DGKZ: variants seen among roughly 807,000 people sequenced by gnomAD.
DGKZ encodes DAG kinase zeta.
A neutral mutation model predicts 142.5 loss-of-function variants in DGKZ; 45 were observed. That is an observed-to-expected ratio of 0.32 (90% CI 0.25 to 0.40). The LOEUF is 0.40. Ranked by LOEUF, DGKZ falls within the 10% of genes least tolerant of loss-of-function variation. The pLI, the probability that DGKZ is intolerant of heterozygous loss-of-function variation, is 1.00. For synonymous variants in DGKZ, 442 were observed against 527.0 expected, an observed-to-expected ratio of 0.84 and a Z score of 2.21; for missense variants, 755 against 1,306.5, an observed-to-expected ratio of 0.58 and a Z score of 6.51.
rs536377550 is a variant in DGKZ, at chr11:46,365,366, A to G, written c.162-1925A>G. On this transcript the variant is annotated intron_variant, in intron 1 of 30. Transcript: ENST00000527911. ...TGGGGTATCCGTACTTTGTCCCTTC[A>G]GAAAGGTGAGACAGAGCAGTCGAGC... The G allele has an allele frequency of 4.1e-6, 4 of 985,458 alleles. No homozygotes were observed. The South Asian group carries it at 1.9e-4, about 46-fold the overall frequency. The allele number at this position is 985,458 out of a possible 1,614,324, so 61.0% of individuals were successfully genotyped here.
At chr11:46,350,104 TG>T (rs1445452173) in intron 1 of DGKZ, among the ~76,000 whole-genome samples, 2 of 152,170 alleles carry the variant, frequency 1.3e-5, no homozygotes, top group African/African-American at 4.8e-5. Context: ...GTCCTTTGTT[TG>T]GGAGCACTGT....
rs541787237 is a variant in DGKZ at position 46,349,278 on chromosome 11, G to A, written c.161+1458G>A. On this transcript the variant is annotated intron_variant, in intron 1 of 30. Transcript: ENST00000527911. ...TGTTTTGTCACCCACAGCCCTGCAAGATGGAGCAGTTTACACCCAGCTCTG... is the reference window on the plus strand; with the variant it reads ...TGTTTTGTCACCCACAGCCCTGCAAAATGGAGCAGTTTACACCCAGCTCTG... Among the ~76,000 whole-genome samples the A allele has an allele frequency of 1.3e-4, 20 of 152,330 alleles. No individual in the cohort carries two copies. In the East Asian group the frequency reaches 3.3e-3, roughly 25 times the overall value.
chr11:46,371,137 T>C (rs1430173893), intron 6 of DGKZ, among the ~76,000 whole-genome samples, 176 bp from the exon 7 acceptor site: 1 of 152,148 alleles, frequency 6.6e-6, no homozygotes, highest in Non-Finnish European at 1.5e-5. Context: ...CACATGCCTG[T>C]TGTTCCCAGT....
At chr11:46,340,827 C>G (rs918962294) in intron 1 of DGKZ, among the ~76,000 whole-genome samples, 2 of 152,198 alleles carry the variant, frequency 1.3e-5, no homozygotes, top group Admixed American at 1.3e-4. Flanking sequence ...ACAGGCATAG[C>G]TAATGGGGAG....
intron 1 of DGKZ, among the ~76,000 whole-genome samples, chr11:46,355,645 T>G (rs1941931954): frequency 6.6e-6 from 1 of 151,548 alleles, no homozygotes; most frequent in South Asian, 2.1e-4. Flanking sequence ...CTTTGTCCCC[T>G]GTGTGAGTAG....
intron 1 of DGKZ, among the ~76,000 whole-genome samples, chr11:46,334,544 T>C (rs1437786189): frequency 2.0e-5 from 3 of 152,182 alleles, no homozygotes; most frequent in Admixed American, 6.5e-5. Flanking sequence ...GTATTCTTAA[T>C]GGCTCTGGGG....
At position 46,334,989 on chromosome 11, in the gene DGKZ, G is replaced by A. The variant is rs993186382; in HGVS notation, c.212+1502G>A. On this transcript the variant is annotated intron_variant, in intron 1 of 30. Transcript: ENST00000343674. ...ACTTTTAACATAAGGGGATGACCCCGAGTTTTGCCTTAGCTGTGGGTCAGA... is the reference window on the plus strand; with the variant it reads ...ACTTTTAACATAAGGGGATGACCCCAAGTTTTGCCTTAGCTGTGGGTCAGA... Among the ~76,000 whole-genome samples the A allele has an allele frequency of 5.9e-5, 9 of 152,120 alleles. No homozygotes were observed. In the East Asian group the frequency reaches 9.6e-4, roughly 16 times the overall value.
chr11:46,377,402 T>C, intron 25 of DGKZ, 190 bp downstream of exon 25: 3 of 1,119,050 alleles, frequency 2.7e-6, no homozygotes, highest in Non-Finnish European at 3.6e-6. Context: ...TCCACCCTGG[T>C]TCCCTCCCTG....
chr11:46,353,912 C>A (rs1000355309), intron 1 of DGKZ, among the ~76,000 whole-genome samples: 1 of 152,200 alleles, frequency 6.6e-6, no homozygotes, highest in African/African-American at 2.4e-5. Flanking sequence ...CAGCATCTCG[C>A]GGGTTAACAG....
chr11:46,355,859 G>A (rs968815080), intron 1 of DGKZ, among the ~76,000 whole-genome samples: 2 of 152,126 alleles, frequency 1.3e-5, no homozygotes, highest in Non-Finnish European at 2.9e-5. Context: ...CGATTCACCT[G>A]CCTCAGCCTC....
chr11:46,371,862 G>A (rs1296002747), intron 9 of DGKZ, 87 bp downstream of exon 9: 1 of 1,475,138 alleles, frequency 6.8e-7, no homozygotes, highest in East Asian at 2.4e-5. Flanking sequence ...CCCAGCTAAT[G>A]CTGCCAGCTG....
At chr11:46,362,258 G>C (rs556005735) in intron 1 of DGKZ, among the ~76,000 whole-genome samples, 97 of 152,272 alleles carry the variant, frequency 6.4e-4, no homozygotes, top group African/African-American at 2.3e-3. Flanking sequence ...TGGAGTGGGC[G>C]CTCTGGGTCA....
At chr11:46,366,815 C>T in intron 1 of DGKZ, 2 of 1,546,312 alleles carry the variant, frequency 1.3e-6, no homozygotes, top group Middle Eastern at 1.7e-4. Flanking sequence ...CTATCGGCGC[C>T]TCAGCCAGCG....
chr11:46,370,818 T>C (rs1291471411), intron 6 of DGKZ, among the ~76,000 whole-genome samples: 1 of 152,170 alleles, frequency 6.6e-6, no homozygotes, highest in Non-Finnish European at 1.5e-5. Flanking sequence ...GTGTGGTGGC[T>C]CACGCCTGTA....
rs1489728125 is a variant in DGKZ, at chr11:46,371,395, C to T, written c.642+11C>T. The T allele has an allele frequency of 6.2e-7, 1 of 1,613,164 alleles. No individual in the cohort carries two copies. The highest frequency in any genetic ancestry group is 8.5e-7 in the Non-Finnish European group (1 of 1,179,580). ...TGGTGCAAGCAGGCAGTGAGTGGTG[C>T]CCCCGCCCCCAGGGCCAGGCCCTGC... On this transcript the variant is annotated intron_variant, in intron 7 of 30. Transcript: ENST00000527911.
At chr11:46,366,450 T>A in intron 1 of DGKZ, 1 of 1,553,788 alleles carries the variant, frequency 6.4e-7, no homozygotes, top group Non-Finnish European at 8.7e-7. Flanking sequence ...AGTTGCGGGG[T>A]GAGGGCCCAG....
intron 1 of DGKZ, among the ~76,000 whole-genome samples, chr11:46,363,831 G>T (rs1451142405): frequency 6.6e-6 from 1 of 152,210 alleles, no homozygotes; most frequent in African/African-American, 2.4e-5. Flanking sequence ...CCTGACGGCA[G>T]GGGGCAGTTG....
At chr11:46,380,320 G>A (rs193240939), downstream of DGKZ, 743 of 167,996 alleles carry the variant, frequency 4.4e-3, 3 homozygotes, top group African/African-American at 0.015. Flanking sequence ...CCTGGTCTTC[G>A]GCCGGGTCCC....
intron 24 of DGKZ, 186 bp downstream of exon 24, chr11:46,376,750 G>A (rs1322136961): frequency 2.4e-6 from 2 of 834,630 alleles, no homozygotes; most frequent in Non-Finnish European, 3.7e-6. Context: ...AGAGTATAGG[G>A]CGGTGCCAGC....
Sources: gnomAD v4.1 joint callset for allele counts (sites outside exome capture counted in the v4.1 genomes callset) on GRCh38, gnomAD v4.1.1 for gene constraint, MANE v1.5 for transcripts, NCBI Gene and HGNC (gene_info 2026-07-23, HGNC 2026-07-21) for gene names.